The following CERT1 variants were observed in gnomAD, a reference collection of about 807,000 sequenced individuals.
CERT1 encodes ceramide transporter 1.
CERT1 carries 31 observed loss-of-function variants against 87.9 expected under a neutral mutation model. The ratio of observed to expected loss-of-function variants is 0.35; its 90% CI spans 0.27 to 0.48. The LOEUF is 0.48. Ranked by LOEUF, CERT1 falls within the 20% of genes least tolerant of loss-of-function variation. The pLI, the probability that CERT1 is intolerant of heterozygous loss-of-function variation, is 0.99. For missense variants in CERT1, 487 were observed against 758.0 expected (o/e 0.64, Z 4.20); for synonymous variants, 289 against 250.9 (o/e 1.15, Z -1.44).
chr5:75,470,990 G>A (rs1231231912), intron 2 of CERT1, among the ~76,000 whole-genome samples: 1 of 152,018 alleles, frequency 6.6e-6, no homozygotes, highest in Non-Finnish European at 1.5e-5. Flanking sequence ...ATTTAGAATA[G>A]CTACAAAAAG....
At chr5:75,483,314 A>T (rs867090750) in intron 2 of CERT1, among the ~76,000 whole-genome samples, 1 of 152,228 alleles carries the variant, frequency 6.6e-6, no homozygotes. Context: ...GCTTGAAGAC[A>T]GGCTATTTGA....
chr5:75,413,286 C>G (rs1763004893), intron 7 of CERT1, among the ~76,000 whole-genome samples: 1 of 152,168 alleles, frequency 6.6e-6, no homozygotes, highest in South Asian at 2.1e-4. Context: ...TATCACTGAA[C>G]TTAATGGCTA....
At chr5:75,500,984 T>TG in intron 2 of CERT1, among the ~76,000 whole-genome samples, 1 of 149,806 alleles carries the variant, frequency 6.7e-6, no homozygotes, top group Admixed American at 6.7e-5. Flanking sequence ...CTCCATTGTC[T>TG]GTTTTTTTTG....
intron 3 of CERT1, 40 bp downstream of exon 3, chr5:75,459,025 A>C: frequency 8.7e-7 from 1 of 1,153,910 alleles, no homozygotes; most frequent in Admixed American, 1.8e-5. Flanking sequence ...ACAATCTCTT[A>C]CCTAGTCCTC....
intron 8 of CERT1, among the ~76,000 whole-genome samples, chr5:75,404,593 AACC>A (rs1395731657): frequency 1.3e-5 from 2 of 152,370 alleles, no homozygotes; most frequent in Admixed American, 1.3e-4. Flanking sequence ...AATACTATTT[AACC>A]ACATCTACAT....
chr5:75,403,250 A>T (rs982129098), intron 8 of CERT1, among the ~76,000 whole-genome samples, 192 bp from the exon 9 acceptor site: 2 of 152,202 alleles, frequency 1.3e-5, no homozygotes, highest in Admixed American at 6.5e-5. Context: ...TAATTCACTC[A>T]GTACTCATAT....
Position 75,419,483 on chromosome 5 carries a change from C to T in CERT1, c.596-59G>A. ...AAAGAAATAGAAATTAATGTCTATT[C>T]TTATGTTCAACTGAGTCATTTTACT... On this transcript the variant is annotated intron_variant, in intron 5 of 16. Transcript: ENST00000643780. 5 of 1,151,716 alleles carry T rather than the reference C, an allele frequency of 4.3e-6. No homozygotes were observed. In the South Asian group the frequency reaches 6.6e-5, roughly 15 times the overall value. The allele number at this position is 1,151,716 out of a possible 1,614,324, so 71.3% of individuals were successfully genotyped here.
chr5:75,406,804 C>T (rs1202741816), intron 8 of CERT1, among the ~76,000 whole-genome samples: 1 of 152,106 alleles, frequency 6.6e-6, no homozygotes, highest in African/African-American at 2.4e-5. Flanking sequence ...CTCGGCCTCC[C>T]AAAGTGTTGG....
chr5:75,449,627 G>A (rs778883268), intron 3 of CERT1, among the ~76,000 whole-genome samples: 6 of 152,072 alleles, frequency 3.9e-5, no homozygotes, highest in Non-Finnish European at 8.8e-5. Context: ...TTTTCCAAGT[G>A]TGTGCACAAT....
intron 12 of CERT1, among the ~76,000 whole-genome samples, chr5:75,386,417 C>G (rs938160352): frequency 2.0e-5 from 3 of 152,170 alleles, no homozygotes; most frequent in Non-Finnish European, 4.4e-5. Flanking sequence ...TTGTTCAATG[C>G]TGTATCCCCA....
At chr5:75,391,112 G>GC (rs1417842104) in intron 11 of CERT1, among the ~76,000 whole-genome samples, 1 of 152,140 alleles carries the variant, frequency 6.6e-6, no homozygotes, top group Non-Finnish European at 1.5e-5. Context: ...CTACAGGAGT[G>GC]CACCACCACA....
At chr5:75,451,949 A>G (rs1192219129) in intron 3 of CERT1, among the ~76,000 whole-genome samples, 1 of 152,224 alleles carries the variant, frequency 6.6e-6, no homozygotes, top group Non-Finnish European at 1.5e-5. Context: ...CTTCACTTAG[A>G]TGGCTCAACA....
chr5:75,392,496 T>C (rs1762067727), intron 11 of CERT1, among the ~76,000 whole-genome samples: 1 of 152,184 alleles, frequency 6.6e-6, no homozygotes, highest in African/African-American at 2.4e-5. Context: ...ACATTAAAGT[T>C]AAGAGAGGTA....
chr5:75,433,328 G>A (rs946590865), intron 3 of CERT1, among the ~76,000 whole-genome samples: 3 of 152,118 alleles, frequency 2.0e-5, no homozygotes, highest in African/African-American at 4.8e-5. Flanking sequence ...CCATAAGCAC[G>A]GAATGTTTTT....
At chr5:75,498,939 G>C (rs1049608854) in intron 2 of CERT1, among the ~76,000 whole-genome samples, 1 of 152,250 alleles carries the variant, frequency 6.6e-6, no homozygotes, top group Admixed American at 6.5e-5. Flanking sequence ...AGGGGGGCTT[G>C]TACTCTGCAA....
At chr5:75,439,694 C>T (rs895968840) in intron 3 of CERT1, among the ~76,000 whole-genome samples, 2 of 152,014 alleles carry the variant, frequency 1.3e-5, no homozygotes, top group Admixed American at 6.5e-5. Flanking sequence ...AGCATCCATA[C>T]ATTTAACTTC....
rs139488131 is a variant in CERT1, at chr5:75,494,456, G to A, written c.231+11526C>T. ...TTCCCTAATCCCTCCTCTGTATTCAGTGTGATACTTTGATTTCAATTGTAT... is the reference window on the plus strand; with the variant it reads ...TTCCCTAATCCCTCCTCTGTATTCAATGTGATACTTTGATTTCAATTGTAT... On this transcript the variant is annotated intron_variant, in intron 2 of 16. Coordinates refer to ENST00000643780, the MANE Select transcript of CERT1 (RefSeq NM_001379029.1). Among the ~76,000 whole-genome samples the A allele has an allele frequency of 2.1e-3, 317 of 152,228 alleles. 1 individual carries two copies. The East Asian group carries it at 0.027, about 13-fold the overall frequency.
chr5:75,416,219 T>G (rs1485017230), intron 7 of CERT1, among the ~76,000 whole-genome samples: 1 of 152,200 alleles, frequency 6.6e-6, no homozygotes, highest in African/African-American at 2.4e-5. Context: ...AATTCCTTCT[T>G]CTATAAAATG....
intron 3 of CERT1, among the ~76,000 whole-genome samples, chr5:75,432,313 C>G (rs1402204276): frequency 6.6e-6 from 1 of 152,100 alleles, no homozygotes; most frequent in Non-Finnish European, 1.5e-5. Context: ...CTTGGCCTCC[C>G]AAAGTACTGG....
Sources: allele counts gnomAD v4.1 joint callset (sites outside exome capture counted in the v4.1 genomes callset), GRCh38; gene constraint gnomAD v4.1.1; transcripts MANE v1.5; gene names NCBI Gene and HGNC (gene_info 2026-07-23, HGNC 2026-07-21).